Variants in YY1 observed in about 807,000 individuals in gnomAD.
YY1 encodes the protein YY1 transcription factor.
In YY1, 2 loss-of-function variants were observed where a neutral mutation model predicts 35.6. That is an observed-to-expected ratio of 0.06 (90% CI 0.02 to 0.18). The LOEUF (loss-of-function observed/expected upper bound fraction) is 0.18, where lower values mean the gene tolerates loss of function less well. Among genes scored for constraint, YY1 ranks in the 10% least tolerant of loss-of-function variants. The probability of loss-of-function intolerance (pLI) is 1.00; values close to 1 mark genes in which losing one functional copy is unlikely to be tolerated. For missense variants in YY1, 322 were observed against 573.4 expected, an observed-to-expected ratio of 0.56 and a Z score of 4.48; for synonymous variants, 268 against 238.9, an observed-to-expected ratio of 1.12 and a Z score of -1.12.
At chr14:100,268,607 G>A (rs748755555) in intron 2 of YY1, among the ~76,000 whole-genome samples, 1 of 152,220 alleles carries the variant, frequency 6.6e-6, no homozygotes, top group Non-Finnish European at 1.5e-5. Flanking sequence ...TAGATGAAAT[G>A]TGATAATGGA....
intron 1 of YY1, among the ~76,000 whole-genome samples, chr14:100,241,683 T>TCATG (rs1257818295): frequency 1.1e-4 from 17 of 152,130 alleles, no homozygotes; most frequent in Admixed American, 1.1e-3. Flanking sequence ...GAACTAAAAG[T>TCATG]CATGGTTTTG....
rs1891344800 is a variant in YY1 at position 100,277,769 on chromosome 14, CT to C, written c.*172del. On this transcript the variant is annotated 3_prime_UTR_variant, in exon 5 of 5. Coordinates refer to ENST00000262238, the MANE Select transcript of YY1 (RefSeq NM_003403.5). The surrounding 1 kb of genome is among the most constrained non-coding windows in gnomAD (Gnocchi z 5.6). ...AGTAGTAAAAATTAAAAAAAAAAAA[CT>C]TTACTAAGATGACATTGCTAAGATG... 2.8e-6 allele frequency: 2 copies of C among 722,152 alleles called. No homozygotes were observed. The highest frequency in any genetic ancestry group is 1.8e-5 in the African/African-American group (1 of 55,494). 44.7% of individuals were successfully genotyped at this position (722,152 alleles called of 1,614,324 possible).
intron 2 of YY1, among the ~76,000 whole-genome samples, chr14:100,272,178 C>A (rs1040627664): frequency 5.3e-5 from 8 of 151,804 alleles, no homozygotes; most frequent in African/African-American, 1.9e-4. Context: ...CGCCTGTAGT[C>A]CCAGCTACTC....
Position 100,239,392 on chromosome 14 carries a change from G to A in YY1, c.148G>A (p.Asp50Asn). 1 of 1,598,640 alleles carries A rather than the reference G, an allele frequency of 6.3e-7. No individual in the cohort carries two copies. The highest frequency in any genetic ancestry group is 1.3e-5 in the African/African-American group (1 of 74,488). The change falls in exon 1 of 5, where the codon GAC becomes AAC. Residue 50 changes from aspartate to asparagine, a missense_variant. Physicochemically the swap from Asp to Asn is conservative, Grantham distance 23. Transcript: ENST00000262238. ...VVGEEEEEDD[D>N]DEDGGGGDHG... is the part of the protein sequence containing the mutation. The stretch of plus-strand genomic sequence containing the variant: ...GGGCGAGGAGGAGGAGGAGGACGAC[G>A]ACGACGAGGACGGCGGCGGTGGCGA...
chr14:100,243,275 C>G (rs757716857), intron 1 of YY1, among the ~76,000 whole-genome samples: 3 of 152,186 alleles, frequency 2.0e-5, no homozygotes, highest in Non-Finnish European at 2.9e-5. Context: ...GCATGGTGGG[C>G]AGCATTACTG....
chr14:100,243,796 G>A (rs1890786143), intron 1 of YY1, among the ~76,000 whole-genome samples: 1 of 133,362 alleles, frequency 7.5e-6, no homozygotes, highest in Non-Finnish European at 1.6e-5. Flanking sequence ...GTGACAGTGA[G>A]ACACTGTCAA....
chr14:100,239,221 G>A lies in YY1; in HGVS notation c.-24G>A. The A allele has an allele frequency of 2.7e-6, 4 of 1,468,362 alleles. No homozygotes were observed. Among genetic ancestry groups the A allele is most frequent in the East Asian group, 2.8e-5 (1 of 35,250 alleles). The allele number at this position is 1,468,362 out of a possible 1,614,324, so 91.0% of individuals were successfully genotyped here. A position where few individuals can be genotyped will look rare whatever the true frequency, so the allele number is the denominator to read the frequency against. On this transcript the variant is annotated 5_prime_UTR_variant, in exon 1 of 5. Transcript: ENST00000262238. The stretch of plus-strand genomic sequence containing the variant: ...CAGCCGAGGAGCCGAGGCCGCCGCG[G>A]CCGTGGCGGCGGAGCCCTCAGCCAT...
At position 100,277,713 on chromosome 14, in the gene YY1, T is replaced by C; in HGVS notation, c.*113T>C. 8.5e-7 allele frequency: 1 copy of C among 1,177,772 alleles called. No homozygotes were observed. Among genetic ancestry groups the C allele is most frequent in the African/African-American group, 1.5e-5 (1 of 65,300 alleles). 73.0% of individuals were successfully genotyped at this position (1,177,772 alleles called of 1,614,324 possible). ...TTCTAGGAAGAATTTTAAAAATGAATCCTACACACCTAAGGGACATGTTTT... is the reference window on the plus strand; with the variant it reads ...TTCTAGGAAGAATTTTAAAAATGAACCCTACACACCTAAGGGACATGTTTT... On this transcript the variant is annotated 3_prime_UTR_variant, in exon 5 of 5. Coordinates refer to ENST00000262238, the MANE Select transcript of YY1 (RefSeq NM_003403.5). This position sits in a 1 kb window ranked among gnomAD's most constrained non-coding sequence, Gnocchi z 5.6.
At chr14:100,241,142 C>G (rs549099594) in intron 1 of YY1, among the ~76,000 whole-genome samples, 92 of 152,308 alleles carry the variant, frequency 6.0e-4, no homozygotes, top group African/African-American at 2.1e-3. Flanking sequence ...TCATATGCTA[C>G]CTAGCTAAAT....
chr14:100,253,235 C>A (rs1039649849), intron 1 of YY1, among the ~76,000 whole-genome samples: 1 of 152,090 alleles, frequency 6.6e-6, no homozygotes. Flanking sequence ...ACATGTTTTA[C>A]CTAGATGTAC....
At chr14:100,272,965 G>GTTTTTTTTTTTTTTTTT (rs368896214) in intron 2 of YY1, among the ~76,000 whole-genome samples, 1 of 127,708 alleles carries the variant, frequency 7.8e-6, no homozygotes, top group African/African-American at 3.0e-5. Context: ...TTTTTTTTTT[G>GTTTTTTTTTTTTTTTTT]TTTTTTTTTT....
chr14:100,239,166 C>T lies in YY1; in HGVS notation c.-79C>T. On this transcript the variant is annotated 5_prime_UTR_variant, in exon 1 of 5. The change creates a new upstream start codon in the 5' untranslated region. Coordinates refer to ENST00000262238, the MANE Select transcript of YY1 (RefSeq NM_003403.5). ...TTCCTCCCTCTGCCTTCCTTCCCCA[C>T]GGCCGGCCGCCTCCTCGCCCGCCCG... 1 of 1,301,376 alleles carries T rather than the reference C, an allele frequency of 7.7e-7. No homozygotes were observed. The highest frequency in any genetic ancestry group is 9.7e-7 in the Non-Finnish European group (1 of 1,031,514). 80.6% of individuals were successfully genotyped at this position (1,301,376 alleles called of 1,614,324 possible).
At chr14:100,273,090 A>G (rs1891269148) in intron 2 of YY1, among the ~76,000 whole-genome samples, 1 of 149,992 alleles carries the variant, frequency 6.7e-6, no homozygotes, top group African/African-American at 2.5e-5. Flanking sequence ...GCCTCCTCCT[A>G]AGTAGCTGGG....
intron 1 of YY1, among the ~76,000 whole-genome samples, chr14:100,249,573 A>C (rs1408633128): frequency 6.6e-6 from 1 of 152,090 alleles, no homozygotes; most frequent in Non-Finnish European, 1.5e-5. Flanking sequence ...GAATGGCTGG[A>C]ATTTGTGCTG....
chr14:100,276,399 T>C lies in YY1; in HGVS notation c.904-91T>C. ...AAATGGGGGGTTGGGGAGGTGGTTT[T>C]GTTTTAATATGTCAGTAAAGGCTGT... is the stretch of plus-strand genomic sequence containing the variant. On this transcript the variant is annotated intron_variant, in intron 3 of 4. Coordinates refer to ENST00000262238, the MANE Select transcript of YY1 (RefSeq NM_003403.5). The surrounding 1 kb of genome is among the most constrained non-coding windows in gnomAD (Gnocchi z 4.1). The C allele has an allele frequency of 2.5e-6, 4 of 1,583,374 alleles. No individual in the cohort carries two copies. The South Asian group carries it at 4.4e-5, about 18-fold the overall frequency.
At chr14:100,246,077 T>C (rs1453288706) in intron 1 of YY1, among the ~76,000 whole-genome samples, 2 of 152,192 alleles carry the variant, frequency 1.3e-5, no homozygotes, top group Admixed American at 1.3e-4. Flanking sequence ...TGACCCTCTC[T>C]AAGGCTGTTG....
intron 1 of YY1, among the ~76,000 whole-genome samples, chr14:100,246,064 CTG>C (rs1312759644): frequency 8.5e-5 from 13 of 152,268 alleles, no homozygotes; most frequent in African/African-American, 2.6e-4. Context: ...TGGTGACAAA[CTG>C]TGACCCTCTC....
chr14:100,246,466 G>T (rs61992934), intron 1 of YY1, among the ~76,000 whole-genome samples: 7,389 of 152,238 alleles, frequency 0.049, 205 homozygotes, highest in African/African-American at 0.06. Context: ...TGGACCTTGT[G>T]GGGATGTGGG....
rs1436464814 is a variant in YY1 at position 100,277,347 on chromosome 14, C to T, written c.1063-71C>T. 5.8e-6 allele frequency: 9 copies of T among 1,547,066 alleles called. No homozygotes were observed. The highest frequency in any genetic ancestry group is 7.1e-6 in the Non-Finnish European group (8 of 1,119,580). The stretch of plus-strand genomic sequence containing the variant: ...ATAAATAGGCTGTTCTCTAGCAAAG[C>T]AGTGAGCTCCTGACTCCCAGGGTCT... On this transcript the variant is annotated intron_variant, in intron 4 of 4. Transcript: ENST00000262238. The surrounding 1 kb of genome is among the most constrained non-coding windows in gnomAD (Gnocchi z 5.6).
Sources: allele counts gnomAD v4.1 joint callset (sites outside exome capture counted in the v4.1 genomes callset), GRCh38; gene constraint gnomAD v4.1.1; non-coding constraint Gnocchi (gnomAD v3.1); transcripts MANE v1.5; gene names NCBI Gene and HGNC (gene_info 2026-07-23, HGNC 2026-07-21).